Variants in EPHA6 observed in about 807,000 individuals in gnomAD.
The protein encoded by EPHA6 is EPH receptor A6.
EPHA6 carries 50 observed loss-of-function variants against 112.0 expected under a neutral mutation model. The observed-to-expected ratio is 0.45, with a 90% CI of 0.36 to 0.56. EPHA6 has a LOEUF of 0.56. Among genes scored for constraint, EPHA6 ranks in the 20% least tolerant of loss-of-function variants. The pLI is 0.00. For synonymous variants in EPHA6, 529 were observed against 490.7 expected, an observed-to-expected ratio of 1.08 and a Z score of -1.03; for missense variants, 1,280 against 1,417.4, an observed-to-expected ratio of 0.90 and a Z score of 1.56.
chr3:97,531,905 T>G (rs2092699747), intron 10 of EPHA6, among the ~76,000 whole-genome samples: 1 of 151,992 alleles, frequency 6.6e-6, no homozygotes, highest in African/African-American at 2.4e-5. Context: ...ACCCTAACAT[T>G]AATTTCTAAC....
intron 14 of EPHA6, among the ~76,000 whole-genome samples, chr3:97,642,642 T>A (rs2094019025): frequency 6.6e-6 from 1 of 152,040 alleles, no homozygotes; most frequent in Admixed American, 6.5e-5. Flanking sequence ...ACGTGAAGAA[T>A]GCAGAAGTCT....
intron 3 of EPHA6, among the ~76,000 whole-genome samples, chr3:97,074,695 TG>T (rs2046462235): frequency 6.6e-6 from 1 of 152,070 alleles, no homozygotes; most frequent in African/African-American, 2.4e-5. Flanking sequence ...TTTTTTGTTC[TG>T]ACACCATTAA....
chr3:96,884,407 A>G (rs1231798163), intron 2 of EPHA6, among the ~76,000 whole-genome samples: 1 of 152,100 alleles, frequency 6.6e-6, no homozygotes, highest in Non-Finnish European at 1.5e-5. Context: ...GCATCATTTT[A>G]TAGCTTTCCT....
chr3:96,877,917 A>G (rs1000371460), intron 2 of EPHA6, among the ~76,000 whole-genome samples: 3 of 126,690 alleles, frequency 2.4e-5, no homozygotes, highest in Non-Finnish European at 4.5e-5. Flanking sequence ...GTGTGTGTAT[A>G]TATATATATA....
intron 3 of EPHA6, among the ~76,000 whole-genome samples, chr3:96,992,360 G>A (rs573153552): frequency 6.6e-6 from 1 of 151,954 alleles, no homozygotes; most frequent in Non-Finnish European, 1.5e-5. Flanking sequence ...TTTTTGTTAC[G>A]GCAACACCCA....
intron 11 of EPHA6, among the ~76,000 whole-genome samples, chr3:97,564,351 T>A (rs1242403152): frequency 6.6e-6 from 1 of 152,168 alleles, no homozygotes; most frequent in Non-Finnish European, 1.5e-5. Flanking sequence ...AAGTATTGCA[T>A]TTACAAGTAT....
intron 3 of EPHA6, among the ~76,000 whole-genome samples, chr3:97,187,940 C>T (rs550192862): frequency 6.6e-6 from 1 of 152,110 alleles, no homozygotes; most frequent in East Asian, 1.9e-4. Context: ...CAAATTAAAA[C>T]AAGAATGAGA....
At position 96,965,760 on chromosome 3, in the gene EPHA6, G is replaced by T. The variant is rs546689511; in HGVS notation, c.451-21570G>T. 6.6e-5 allele frequency among the ~76,000 whole-genome samples: 10 copies of T among 152,092 alleles called. No homozygotes were observed. In the South Asian group the frequency reaches 1.9e-3, roughly 28 times the overall value. On this transcript the variant is annotated intron_variant, in intron 2 of 17. Coordinates refer to ENST00000389672, the MANE Select transcript of EPHA6 (RefSeq NM_001080448.3). The stretch of plus-strand genomic sequence containing the variant: ...GTTCAGCAACATTTGTTTATACTAT[G>T]TATTAATGTATAATTTTACCTTTCG...
chr3:97,695,809 G>A (rs1266745163), intron 14 of EPHA6, among the ~76,000 whole-genome samples: 1 of 152,136 alleles, frequency 6.6e-6, no homozygotes, highest in Non-Finnish European at 1.5e-5. Context: ...AAAGTGCTGG[G>A]ATTACAGGCA....
At chr3:97,649,885 T>A (rs2094095358) in intron 14 of EPHA6, among the ~76,000 whole-genome samples, 1 of 152,068 alleles carries the variant, frequency 6.6e-6, no homozygotes, top group Non-Finnish European at 1.5e-5. Context: ...AAGAAATCGA[T>A]GCGCTAATAC....
intron 3 of EPHA6, among the ~76,000 whole-genome samples, chr3:97,182,345 CATATT>C (rs2077012302): frequency 1.3e-5 from 2 of 148,710 alleles, no homozygotes; most frequent in Admixed American, 1.3e-4. Flanking sequence ...ATATAATTAT[CATATT>C]ATAATAAATA....
At chr3:97,562,424 A>G in intron 11 of EPHA6, among the ~76,000 whole-genome samples, 1 of 152,172 alleles carries the variant, frequency 6.6e-6, no homozygotes, top group Admixed American at 6.5e-5. Context: ...ACTTCAGTGG[A>G]AAAAGTAACT....
intron 3 of EPHA6, among the ~76,000 whole-genome samples, chr3:97,136,319 A>C (rs1487788910): frequency 2.6e-5 from 4 of 152,244 alleles, no homozygotes; most frequent in African/African-American, 9.6e-5. Flanking sequence ...AATTTTAAAA[A>C]GCATGGTAGA....
At chr3:97,577,287 A>C (rs183645144) in intron 11 of EPHA6, among the ~76,000 whole-genome samples, 1 of 152,256 alleles carries the variant, frequency 6.6e-6, no homozygotes. Flanking sequence ...GAAAATTTGC[A>C]TAAGACTTAT....
chr3:96,827,522 G>C (rs1394996347), intron 1 of EPHA6, among the ~76,000 whole-genome samples: 3 of 152,052 alleles, frequency 2.0e-5, no homozygotes, highest in Admixed American at 1.3e-4. Flanking sequence ...TGTTATGATG[G>C]CAAGTATTTC....
chr3:97,462,131 A>T (rs1215885933), intron 7 of EPHA6, among the ~76,000 whole-genome samples: 3 of 152,156 alleles, frequency 2.0e-5, no homozygotes, highest in Non-Finnish European at 4.4e-5. Flanking sequence ...CTATGTGACC[A>T]TGTGCAAGTT....
intron 14 of EPHA6, among the ~76,000 whole-genome samples, chr3:97,685,767 C>T (rs377300134): frequency 5.8e-4 from 89 of 152,248 alleles, no homozygotes; most frequent in East Asian, 9.6e-4. Flanking sequence ...TATTTGTAAA[C>T]GGCGAACGAT....
chr3:97,334,395 A>C (rs1355409734), intron 5 of EPHA6, among the ~76,000 whole-genome samples: 1 of 151,844 alleles, frequency 6.6e-6, no homozygotes, highest in Non-Finnish European at 1.5e-5. Flanking sequence ...TAAAATGTTT[A>C]GTAGAATTCC....
chr3:97,375,393 A>T (rs886223033), intron 5 of EPHA6, among the ~76,000 whole-genome samples: 7 of 152,146 alleles, frequency 4.6e-5, no homozygotes, highest in African/African-American at 1.7e-4. Flanking sequence ...CTAAATGGTA[A>T]TTTTACCACA....
Sources: allele counts gnomAD v4.1 joint callset (sites outside exome capture counted in the v4.1 genomes callset), GRCh38; gene constraint gnomAD v4.1.1; transcripts MANE v1.5; gene names NCBI Gene and HGNC (gene_info 2026-07-23, HGNC 2026-07-21).